NCOR1: variants seen among roughly 807,000 people sequenced by gnomAD.
NCOR1 encodes the protein nuclear receptor corepressor 1, also known as protein phosphatase 1, regulatory subunit 109.
Under a neutral mutation model 288.1 loss-of-function variants are expected in NCOR1, and 63 were observed. That is an observed-to-expected ratio of 0.22 (90% confidence interval 0.18 to 0.27). The LOEUF (loss-of-function observed/expected upper bound fraction) is 0.27. NCOR1 is among the 10% of genes least tolerant of loss of function. NCOR1 has a pLI of 1.00. For missense variants in NCOR1, 2,397 were observed against 3,019.2 expected (o/e 0.79, Z 4.83); for synonymous variants, 1,007 against 1,065.9 (o/e 0.94, Z 1.08).
chr17:16,040,084 C>G (rs1185265496), intron 43 of NCOR1: 8 of 467,270 alleles, frequency 1.7e-5, no homozygotes, highest in African/African-American at 3.9e-5. Context: ...GCCACCGCAC[C>G]CAGCCCAGAG....
chr17:16,188,239 A>G (rs1211591289), intron 2 of NCOR1, among the ~76,000 whole-genome samples: 2 of 152,204 alleles, frequency 1.3e-5, no homozygotes, highest in Non-Finnish European at 2.9e-5. Flanking sequence ...GCCCTTCTCT[A>G]TAAGTTATGA....
At chr17:16,208,721 C>T (rs1178059418) in intron 1 of NCOR1, among the ~76,000 whole-genome samples, 1 of 151,924 alleles carries the variant, frequency 6.6e-6, no homozygotes, top group Non-Finnish European at 1.5e-5. Context: ...TGGTGGCACA[C>T]ACCTGTAGTC....
chr17:16,095,528 G>A (rs2066354038), intron 21 of NCOR1, among the ~76,000 whole-genome samples: 1 of 139,634 alleles, frequency 7.2e-6, no homozygotes, highest in African/African-American at 2.7e-5. Flanking sequence ...GCCCCATCCG[G>A]GAGGGAGGTT....
At chr17:16,135,178 A>C (rs930336924) in intron 14 of NCOR1, among the ~76,000 whole-genome samples, 7 of 151,688 alleles carry the variant, frequency 4.6e-5, no homozygotes, top group East Asian at 1.9e-4. Context: ...AAAAAAAAAA[A>C]AAAACTGTAG....
intron 27 of NCOR1, among the ~76,000 whole-genome samples, chr17:16,073,785 AG>A (rs1413080820): frequency 2.6e-5 from 4 of 152,220 alleles, no homozygotes; most frequent in East Asian, 1.9e-4. Flanking sequence ...CTAGGCTTGC[AG>A]GTAAGATTAA....
intron 1 of NCOR1, among the ~76,000 whole-genome samples, chr17:16,195,531 A>C (rs2089595424): frequency 6.6e-6 from 1 of 152,090 alleles, no homozygotes; most frequent in Admixed American, 6.6e-5. Context: ...GTATATTCCT[A>C]CTTATCCACA....
intron 21 of NCOR1, among the ~76,000 whole-genome samples, chr17:16,093,965 T>G (rs1227600906): frequency 6.6e-6 from 1 of 152,182 alleles, no homozygotes; most frequent in Non-Finnish European, 1.5e-5. Context: ...TAGAGTGCAG[T>G]GGTGCCATCT....
In NCOR1 at chr17:16,034,821, C is replaced by T. The variant is rs1567618692; in HGVS notation, c.7079G>A (p.Gly2360Glu). The T allele has an allele frequency of 6.2e-7, 1 of 1,614,080 alleles. No individual in the cohort carries two copies. Among genetic ancestry groups the T allele is most frequent in the Non-Finnish European group, 8.5e-7 (1 of 1,179,988 alleles). The change falls in exon 45 of 46, where the codon GGG becomes GAG. Residue 2360 changes from glycine to glutamate, a missense_variant. By Grantham distance (98) the Gly-to-Glu change is moderately conservative. Around this residue, in one of 11 missense-constraint regions of NCOR1, gnomAD observed 1,872 missense variants for 2,187.8 expected, o/e 0.86. Coordinates refer to ENST00000268712, the MANE Select transcript of NCOR1 (RefSeq NM_006311.4). ...PSSVSSVHSE[G>E]DYHRQTPGWA... ...CCCTGGCGTCTGCCTATGGTAATCC[C>T]CTTCTGAATGTACAGAGGAGACTGA...
intron 9 of NCOR1, 106 bp from the exon 10 acceptor site, chr17:16,146,654 C>T (rs2078035968): frequency 1.9e-6 from 2 of 1,058,270 alleles, no homozygotes; most frequent in East Asian, 2.7e-5. Context: ...GTCAGAAGTA[C>T]ATTTGGCTTA....
At chr17:16,053,683 C>T (rs1243334757) in intron 40 of NCOR1, among the ~76,000 whole-genome samples, 1 of 151,944 alleles carries the variant, frequency 6.6e-6, no homozygotes, top group African/African-American at 2.4e-5. Flanking sequence ...CACAGAACTA[C>T]AAAAAACTAT....
intron 44 of NCOR1, among the ~76,000 whole-genome samples, chr17:16,035,740 C>T (rs2056220736): frequency 1.3e-5 from 2 of 152,016 alleles, no homozygotes; most frequent in South Asian, 4.2e-4. Flanking sequence ...TGGGGTCTCA[C>T]CATGTTGCCC....
At chr17:16,095,357 G>A (rs1340452595) in intron 21 of NCOR1, among the ~76,000 whole-genome samples, 1 of 150,892 alleles carries the variant, frequency 6.6e-6, no homozygotes, top group Non-Finnish European at 1.5e-5. Flanking sequence ...AGTGAGGAGC[G>A]TCTCCGCCCG....
intron 19 of NCOR1, among the ~76,000 whole-genome samples, chr17:16,106,879 A>C (rs1341856786): frequency 5.3e-4 from 31 of 59,022 alleles, no homozygotes; most frequent in Admixed American, 1.5e-3. Context: ...ATATATATAT[A>C]TATATTTTTT....
At position 16,126,085 on chromosome 17, in the gene NCOR1, G is replaced by C. The variant is rs2153189708; in HGVS notation, c.1631C>G (p.Ser544Cys). Reference sequence around the variant, plus strand: ...TATAACTAATTATTTAACTCACTTGGAGTCTTCTTTTTCATCTTTTTCCTC... The same window carrying C: ...TATAACTAATTATTTAACTCACTTGCAGTCTTCTTTTTCATCTTTTTCCTC... Reference protein sequence around the residue: ...DEEEKDEKEDSKENTKEKDKI... With the variant: ...DEEEKDEKEDCKENTKEKDKI... Residue 544 changes from serine to cysteine, a missense_variant, in exon 15 of 46, where the codon TCC becomes TGC. Ser to Cys is a moderately radical substitution (Grantham distance 112). This residue lies in a region of NCOR1 where 113 missense variants were observed against 139.5 expected (regional missense o/e 0.81). Coordinates refer to ENST00000268712, the MANE Select transcript of NCOR1 (RefSeq NM_006311.4). 8.0e-7 allele frequency: 1 copy of C among 1,247,246 alleles called. No homozygotes were observed. Among genetic ancestry groups the C allele is most frequent in the Non-Finnish European group, 1.1e-6 (1 of 901,182 alleles). 77.3% of individuals were successfully genotyped at this position (1,247,246 alleles called of 1,614,324 possible). A position where few individuals can be genotyped will look rare whatever the true frequency, so the allele number is the denominator to read the frequency against.
chr17:16,208,598 C>T (rs973165960), intron 1 of NCOR1, among the ~76,000 whole-genome samples: 4 of 151,612 alleles, frequency 2.6e-5, no homozygotes, highest in African/African-American at 9.7e-5. Flanking sequence ...CACCTATAAT[C>T]CCAGCACTTC....
intron 14 of NCOR1, among the ~76,000 whole-genome samples, chr17:16,129,337 T>G (rs2075253525): frequency 6.6e-6 from 1 of 152,214 alleles, no homozygotes; most frequent in African/African-American, 2.4e-5. Context: ...CTTTGAACCC[T>G]TATTCTATCA....
At chr17:16,045,749 AC>A (rs1326091930) in intron 42 of NCOR1, among the ~76,000 whole-genome samples, 1 of 151,886 alleles carries the variant, frequency 6.6e-6, no homozygotes. Context: ...CAGGTGATCA[AC>A]CCGTCTTGGC....
intron 15 of NCOR1, among the ~76,000 whole-genome samples, chr17:16,124,735 A>G (rs1365350481): frequency 1.3e-5 from 2 of 152,240 alleles, no homozygotes; most frequent in African/African-American, 4.8e-5. Context: ...CTAAGAAAAC[A>G]GCAGTAACAA....
intron 18 of NCOR1, among the ~76,000 whole-genome samples, chr17:16,113,865 C>A (rs978441507): frequency 4.6e-5 from 7 of 151,972 alleles, no homozygotes; most frequent in African/African-American, 1.4e-4. Context: ...TGCACTCCAG[C>A]CTGGGCAACA....
Sources: allele counts gnomAD v4.1 joint callset (sites outside exome capture counted in the v4.1 genomes callset), GRCh38; gene constraint gnomAD v4.1.1; regional missense constraint gnomAD v4.1.1; transcripts MANE v1.5; gene names NCBI Gene and HGNC (gene_info 2026-07-23, HGNC 2026-07-21).